The following ADAMTS17 variants were observed in gnomAD, a reference collection of about 807,000 sequenced individuals.
The protein encoded by ADAMTS17 is A disintegrin and metalloproteinase with thrombospondin motifs 17.
In ADAMTS17, 113 loss-of-function variants were observed where a neutral mutation model predicts 141.5. The ratio of observed to expected loss-of-function variants is 0.80; its 90% CI spans 0.69 to 0.93. The LOEUF is 0.93. Ranked by LOEUF, ADAMTS17 falls within the 40% of genes least tolerant of loss-of-function variation. The pLI, the probability that ADAMTS17 is intolerant of heterozygous loss-of-function variation, is 0.00. For missense variants in ADAMTS17, 1,659 were observed against 1,517.9 expected, an observed-to-expected ratio of 1.09 and a Z score of -1.54; for synonymous variants, 768 against 630.6, an observed-to-expected ratio of 1.22 and a Z score of -3.27.
At chr15:100,122,490 C>A (rs554901616) in intron 12 of ADAMTS17, among the ~76,000 whole-genome samples, 1 of 152,212 alleles carries the variant, frequency 6.6e-6, no homozygotes, top group African/African-American at 2.4e-5. Flanking sequence ...AACATCAATG[C>A]GGGCCTCCTG....
rs560671331 is a variant in ADAMTS17 at position 100,246,465 on chromosome 15, A to ATACCAAGG, written c.1075+7663_1075+7670dup. On this transcript the variant is annotated intron_variant, in intron 7 of 21. Coordinates refer to ENST00000268070, the MANE Select transcript of ADAMTS17 (RefSeq NM_139057.4). ...AACATGGTCAAAAGCATAATTATAA[A>ATACCAAGG]TACCAAGGTAGCCTCCGACAAACAG... is the stretch of plus-strand genomic sequence containing the variant. Among the ~76,000 whole-genome samples the ATACCAAGG allele has an allele frequency of 6.5e-4, 99 of 152,364 alleles. No individual in the cohort carries two copies. In the East Asian group the frequency reaches 0.014, roughly 22 times the overall value.
At chr15:100,069,215 C>G (rs1596340055) in intron 15 of ADAMTS17, among the ~76,000 whole-genome samples, 1 of 152,290 alleles carries the variant, frequency 6.6e-6, no homozygotes, top group Middle Eastern at 3.4e-3. Flanking sequence ...AAGAAATGAA[C>G]AAAGCCTCCA....
In ADAMTS17 at chr15:100,152,360, C is replaced by T. The variant is rs571872652; in HGVS notation, c.1473+252G>A. On this transcript the variant is annotated intron_variant, in intron 10 of 21. Coordinates refer to ENST00000268070, the MANE Select transcript of ADAMTS17 (RefSeq NM_139057.4). Reference sequence around the variant, plus strand: ...GTGGGGGACTGTGTGTAGATGTGTGCCTGCAACTGCATGTGTAGGTGTGTA... The same window carrying T: ...GTGGGGGACTGTGTGTAGATGTGTGTCTGCAACTGCATGTGTAGGTGTGTA... 1.0e-3 allele frequency among the ~76,000 whole-genome samples: 157 copies of T among 151,778 alleles called. 2 individuals are homozygous for T. Among genetic ancestry groups the T allele is most frequent in the Middle Eastern group, 6.8e-3 (2 of 292 alleles).
At position 100,331,040 on chromosome 15, in the gene ADAMTS17, C is replaced by G. The variant is rs140993769; in HGVS notation, c.465G>C (p.Gln155His). Residue 155 changes from glutamine to histidine, a missense_variant, in exon 3 of 22, where the codon CAG (glutamine) becomes CAC (histidine). Gln to His is a conservative substitution (Grantham distance 24). Transcript: ENST00000268070. ...GGATTAGCACCTGCTCCTGCCCAAG[C>G]TGAATGAGGCCAACCTGTCCAGAAA... ...GAAGGLVGLIQLGQEQVLIQP... is the reference protein window; with the variant it reads ...GAAGGLVGLIHLGQEQVLIQP... 2.0e-4 allele frequency: 329 copies of G among 1,614,160 alleles called. No individual in the cohort carries two copies. The highest frequency in any genetic ancestry group is 7.5e-4 in the Admixed American group (45 of 60,018).
chr15:100,236,711 G>T (rs2042667300), intron 7 of ADAMTS17, among the ~76,000 whole-genome samples: 1 of 152,114 alleles, frequency 6.6e-6, no homozygotes, highest in South Asian at 2.1e-4. Flanking sequence ...AGTGGTGCGT[G>T]CCTCTTGTCC....
chr15:99,994,452 T>TA (rs113195908), intron 19 of ADAMTS17, among the ~76,000 whole-genome samples: 61,298 of 141,264 alleles, frequency 0.43, 13,439 homozygotes, highest in Non-Finnish European at 0.51. Flanking sequence ...CCCAATCTCT[T>TA]AAAAAAAAAA....
rs562731918 is a variant in ADAMTS17, at chr15:100,216,196, A to G, written c.1076-16773T>C. ...CGTGGAATTGAGGATTAAATGAATA[A>G]TGAGAGAAGAAGCAATGTTCAGAGT... On this transcript the variant is annotated intron_variant, in intron 7 of 21. Transcript: ENST00000268070. 9.2e-5 allele frequency among the ~76,000 whole-genome samples: 14 copies of G among 152,340 alleles called. No homozygotes were observed. In the South Asian group the frequency reaches 2.5e-3, roughly 27 times the overall value.
intron 3 of ADAMTS17, among the ~76,000 whole-genome samples, chr15:100,330,601 G>A (rs568996346): frequency 2.6e-5 from 4 of 152,094 alleles, no homozygotes; most frequent in African/African-American, 7.2e-5. Context: ...ATCCAAGCTC[G>A]GCTACAAGGT....
At chr15:99,975,430 G>C (rs1049147702) in intron 21 of ADAMTS17, among the ~76,000 whole-genome samples, 1 of 152,082 alleles carries the variant, frequency 6.6e-6, no homozygotes, top group Admixed American at 6.5e-5. Flanking sequence ...GGCTGGTCTC[G>C]AACTCCTGAC....
chr15:99,974,063 A>G lies in ADAMTS17; in HGVS notation c.*339T>C. On this transcript the variant is annotated 3_prime_UTR_variant, in exon 22 of 22. Coordinates refer to ENST00000268070, the MANE Select transcript of ADAMTS17 (RefSeq NM_139057.4). ...TGATATACCAAGCACTGGAAATTCA[A>G]ATGTCAAAAGCGAGTCAAGACAAGA... 2.6e-6 allele frequency: 1 copy of G among 390,340 alleles called. No homozygotes were observed. The highest frequency in any genetic ancestry group is 6.1e-5 in the East Asian group (1 of 16,394). 24.2% of individuals were successfully genotyped at this position (390,340 alleles called of 1,614,324 possible). A position where few individuals can be genotyped will look rare whatever the true frequency, so the allele number is the denominator to read the frequency against.
Position 99,972,302 on chromosome 15 carries a change from A to AGACTT in ADAMTS17, c.*2095_*2099dup, listed in dbSNP as rs2060227714. On this transcript the variant is annotated 3_prime_UTR_variant, in exon 22 of 22. Coordinates refer to ENST00000268070, the MANE Select transcript of ADAMTS17 (RefSeq NM_139057.4). Reference sequence around the variant, plus strand: ...TGAGCTAAAAGAGCTCTGCAGATGCAGACTTTAGGGGAACTAATGGGGGTA... The same window carrying AGACTT: ...TGAGCTAAAAGAGCTCTGCAGATGCAGACTTGACTTTAGGGGAACTAATGGGGGTA... The AGACTT allele has an allele frequency of 6.6e-6, 1 of 152,220 alleles. No homozygotes were observed. Among genetic ancestry groups the AGACTT allele is most frequent in the Non-Finnish European group, 1.5e-5 (1 of 68,048 alleles). 9.4% of individuals were successfully genotyped at this position (152,220 alleles called of 1,614,324 possible).
In ADAMTS17 at chr15:99,997,382, C is replaced by T. The variant is rs767786439; in HGVS notation, c.2796+3G>A. The T allele has an allele frequency of 1.2e-6, 2 of 1,613,716 alleles. No homozygotes were observed. Among genetic ancestry groups the T allele is most frequent in the East Asian group, 2.2e-5 (1 of 44,880 alleles). On this transcript the variant is annotated splice_donor_region_variant and intron_variant, in intron 19 of 21. Coordinates refer to ENST00000268070, the MANE Select transcript of ADAMTS17 (RefSeq NM_139057.4). The surrounding 1 kb of genome is among the most constrained non-coding windows in gnomAD (Gnocchi z 4.7). Reference sequence around the variant, plus strand: ...AGTCCTGGTGGCAAGCCCAGGCACCCACCTGTGACCACTCAGACGCCTCCC... The same window carrying T: ...AGTCCTGGTGGCAAGCCCAGGCACCTACCTGTGACCACTCAGACGCCTCCC...
rs759730253 is a variant in ADAMTS17, at chr15:100,261,451, G to A, written c.1031+28C>T. The A allele has an allele frequency of 5.0e-6, 8 of 1,613,302 alleles. No individual in the cohort carries two copies. In the Admixed American group the frequency reaches 1.0e-4, roughly 20 times the overall value. On this transcript the variant is annotated intron_variant, in intron 6 of 21. Transcript: ENST00000268070. Reference sequence around the variant, plus strand: ...GGGAAACATCTTTTCCCTCTCACATGTCAGCTACAGGCCAAATCCCATCTT... The same window carrying A: ...GGGAAACATCTTTTCCCTCTCACATATCAGCTACAGGCCAAATCCCATCTT...
intron 7 of ADAMTS17, among the ~76,000 whole-genome samples, chr15:100,207,882 G>C (rs1253191940): frequency 6.6e-6 from 1 of 152,138 alleles, no homozygotes; most frequent in Non-Finnish European, 1.5e-5. Context: ...ATTTCTATTT[G>C]CAGGAGACTC....
chr15:99,998,809 A>G (rs113997821), intron 18 of ADAMTS17, among the ~76,000 whole-genome samples: 2,022 of 152,234 alleles, frequency 0.013, 55 homozygotes, highest in African/African-American at 0.045. Flanking sequence ...GGATGAGCCA[A>G]CTGGCTTTGC....
chr15:99,999,106 C>G (rs2060865887), intron 18 of ADAMTS17, among the ~76,000 whole-genome samples: 1 of 152,138 alleles, frequency 6.6e-6, no homozygotes. Context: ...ATCTGCCCAT[C>G]CAGGCACTGC....
chr15:100,142,135 G>T (rs1390373005), intron 10 of ADAMTS17, among the ~76,000 whole-genome samples: 1 of 152,230 alleles, frequency 6.6e-6, no homozygotes, highest in East Asian at 1.9e-4. Flanking sequence ...GTAAGACACA[G>T]AAACTTCTAA....
intron 15 of ADAMTS17, among the ~76,000 whole-genome samples, chr15:100,068,625 G>A (rs1287168496): frequency 6.6e-6 from 1 of 152,208 alleles, no homozygotes; most frequent in Non-Finnish European, 1.5e-5. Flanking sequence ...CTCTGCTGCT[G>A]ATACCCAGGC....
chr15:100,080,360 T>A (rs539659579), intron 15 of ADAMTS17, among the ~76,000 whole-genome samples: 37 of 152,172 alleles, frequency 2.4e-4, no homozygotes, highest in African/African-American at 8.2e-4. Flanking sequence ...ACTATCAAGA[T>A]GAAATCAGTC....
Sources: allele counts gnomAD v4.1 joint callset (sites outside exome capture counted in the v4.1 genomes callset), GRCh38; gene constraint gnomAD v4.1.1; non-coding constraint Gnocchi (gnomAD v3.1); transcripts MANE v1.5; gene names NCBI Gene and HGNC (gene_info 2026-07-23, HGNC 2026-07-21).